The following ADGRL3 variants were observed in gnomAD, a reference collection of about 807,000 sequenced individuals.
ADGRL3 encodes the protein adhesion G protein-coupled receptor L3, also known as calcium-independent alpha-latrotoxin receptor 3.
Under a neutral mutation model 153.5 loss-of-function variants are expected in ADGRL3, and 62 were observed. The ratio of observed to expected loss-of-function variants is 0.40; its 90% confidence interval spans 0.33 to 0.50. The LOEUF is 0.50. Among genes scored for constraint, ADGRL3 ranks in the 20% least tolerant of loss-of-function variants. The pLI is 0.47. For missense variants in ADGRL3, 1,641 were observed against 1,859.4 expected, an observed-to-expected ratio of 0.88 and a Z score of 2.16; for synonymous variants, 710 against 672.5, an observed-to-expected ratio of 1.06 and a Z score of -0.86.
Position 62,028,818 on chromosome 4 carries a change from G to A in ADGRL3, c.3396-37G>A, listed in dbSNP as rs764874327. On this transcript the variant is annotated intron_variant, in intron 21 of 26. Transcript: ENST00000683033. Reference sequence around the variant, plus strand: ...AAATTCTTTGTCATAAAATGCTAATGTTGGTGTTCTTGTCTTTATGTCTAT... The same window carrying A: ...AAATTCTTTGTCATAAAATGCTAATATTGGTGTTCTTGTCTTTATGTCTAT... 9 of 1,571,950 alleles carry A rather than the reference G, an allele frequency of 5.7e-6. No homozygotes were observed. In the South Asian group the frequency reaches 6.9e-5, roughly 12 times the overall value.
intron 9 of ADGRL3, among the ~76,000 whole-genome samples, chr4:61,868,360 C>A (rs1289788612): frequency 6.6e-6 from 1 of 152,002 alleles, no homozygotes; most frequent in Non-Finnish European, 1.5e-5. Flanking sequence ...TTTCTTCTCT[C>A]TTTCTCTCAT....
At chr4:61,468,731 C>A (rs983272712) in intron 2 of ADGRL3, among the ~76,000 whole-genome samples, 7 of 152,146 alleles carry the variant, frequency 4.6e-5, no homozygotes, top group African/African-American at 9.6e-5. Context: ...AAAAAAGGCT[C>A]TGTTCCAGTG....
chr4:61,232,593 G>C (rs187579705), intron 1 of ADGRL3, among the ~76,000 whole-genome samples: 3 of 152,208 alleles, frequency 2.0e-5, no homozygotes, highest in Admixed American at 2.0e-4. Context: ...ATAGGTGTGA[G>C]CCACCGTGCC....
chr4:61,367,385 C>A (rs897991526), intron 1 of ADGRL3, among the ~76,000 whole-genome samples: 2 of 151,802 alleles, frequency 1.3e-5, no homozygotes, highest in Non-Finnish European at 2.9e-5. Context: ...TATCCCTCCC[C>A]ACTCCCCCCA....
At chr4:61,511,842 T>C (rs920950926) in intron 3 of ADGRL3, among the ~76,000 whole-genome samples, 1 of 152,208 alleles carries the variant, frequency 6.6e-6, no homozygotes, top group Non-Finnish European at 1.5e-5. Flanking sequence ...TGCTGCAATT[T>C]CTACATGATG....
At chr4:61,501,380 T>A (rs1242775230) in intron 3 of ADGRL3, among the ~76,000 whole-genome samples, 1 of 152,172 alleles carries the variant, frequency 6.6e-6, no homozygotes, top group Non-Finnish European at 1.5e-5. Flanking sequence ...ACATGGTGCT[T>A]TGGCATTTGA....
At chr4:61,921,785 T>A (rs1308220569) in intron 13 of ADGRL3, among the ~76,000 whole-genome samples, 1 of 152,230 alleles carries the variant, frequency 6.6e-6, no homozygotes, top group African/African-American at 2.4e-5. Flanking sequence ...TTATAAATCT[T>A]GTCATACAAT....
rs115365161 is a variant in ADGRL3, at chr4:61,723,200, C to T, written c.584-7422C>T. Among the ~76,000 whole-genome samples the T allele has an allele frequency of 3.8e-3, 576 of 152,242 alleles. 6 individuals are homozygous for T. Among genetic ancestry groups the T allele is most frequent in the African/African-American group, 0.013 (551 of 41,564 alleles). On this transcript the variant is annotated intron_variant, in intron 6 of 26. Transcript: ENST00000683033. ...TTGACAGCATTTAAGAACAGCTTAT[C>T]TTTAGTAAATAAGTATACTGAAAAT...
intron 13 of ADGRL3, among the ~76,000 whole-genome samples, chr4:61,918,132 C>T (rs187233705): frequency 5.3e-5 from 8 of 152,090 alleles, no homozygotes; most frequent in East Asian, 3.9e-4. Flanking sequence ...GGTAATTATT[C>T]GGATTCAGAG....
At chr4:61,521,258 A>G (rs1435357373) in intron 4 of ADGRL3, among the ~76,000 whole-genome samples, 3 of 152,118 alleles carry the variant, frequency 2.0e-5, no homozygotes, top group African/African-American at 7.2e-5. Flanking sequence ...ACAGAAATGG[A>G]AGAAGAAAGA....
intron 17 of ADGRL3, among the ~76,000 whole-genome samples, chr4:61,972,969 T>C (rs1054921500): frequency 2.6e-5 from 4 of 152,000 alleles, no homozygotes; most frequent in Admixed American, 6.6e-5. Flanking sequence ...TCAAGCAGTC[T>C]GAAAAATACA....
At chr4:61,676,036 C>T (rs995066556) in intron 5 of ADGRL3, among the ~76,000 whole-genome samples, 13 of 151,882 alleles carry the variant, frequency 8.6e-5, no homozygotes, top group African/African-American at 3.1e-4. Flanking sequence ...TAAATAAGAA[C>T]ATGCAAAGTT....
At chr4:61,971,148 T>A (rs1560448348) in intron 17 of ADGRL3, among the ~76,000 whole-genome samples, 4 of 151,618 alleles carry the variant, frequency 2.6e-5, no homozygotes, top group Admixed American at 6.6e-5. Context: ...TTTTATTTAT[T>A]TTTATTTATT....
chr4:61,322,277 A>G (rs1431552712), intron 1 of ADGRL3, among the ~76,000 whole-genome samples: 1 of 152,210 alleles, frequency 6.6e-6, no homozygotes, highest in Non-Finnish European at 1.5e-5. Context: ...ATATGTGGGA[A>G]TCATGGGAGA....
chr4:61,656,902 T>A (rs964269158), intron 5 of ADGRL3, among the ~76,000 whole-genome samples: 1 of 152,190 alleles, frequency 6.6e-6, no homozygotes, highest in African/African-American at 2.4e-5. Context: ...TCTCTCTCTG[T>A]TAAACTTCTG....
Position 62,070,559 on chromosome 4 carries a change from A to G in ADGRL3, c.4283A>G (p.His1428Arg). 6.4e-7 allele frequency: 1 copy of G among 1,551,140 alleles called. No individual in the cohort carries two copies. The highest frequency in any genetic ancestry group is 8.7e-7 in the Non-Finnish European group (1 of 1,146,942). Residue 1428 changes from histidine to arginine, a missense_variant, in exon 27 of 27, where the codon CAC becomes CGC. Physicochemically the swap from His to Arg is conservative, Grantham distance 29 (BLOSUM62 0). Transcript: ENST00000683033. ...HYTRRRIPQD[H>R]SESFFPLLTN... Reference sequence around the variant, plus strand: ...ACCAGAAGGCGGATCCCCCAAGACCACAGTGAGAGCTTTTTCCCTTTGCTA... The same window carrying G: ...ACCAGAAGGCGGATCCCCCAAGACCGCAGTGAGAGCTTTTTCCCTTTGCTA...
At chr4:61,999,418 G>A (rs986933704) in intron 21 of ADGRL3, among the ~76,000 whole-genome samples, 2 of 152,116 alleles carry the variant, frequency 1.3e-5, no homozygotes, top group African/African-American at 4.8e-5. Context: ...AAATTATCGT[G>A]TTTCTTTGGA....
At chr4:61,386,078 C>T (rs1297143012) in intron 2 of ADGRL3, among the ~76,000 whole-genome samples, 1 of 152,074 alleles carries the variant, frequency 6.6e-6, no homozygotes, top group Non-Finnish European at 1.5e-5. Flanking sequence ...ACTCGTGTTG[C>T]ATGTATTTGG....
intron 5 of ADGRL3, among the ~76,000 whole-genome samples, chr4:61,609,059 G>A (rs562241191): frequency 1.8e-3 from 274 of 152,176 alleles, no homozygotes; most frequent in African/African-American, 6.4e-3. Flanking sequence ...TTATTTGTTA[G>A]TGTTTATGTA....
Sources: allele counts gnomAD v4.1 joint callset (sites outside exome capture counted in the v4.1 genomes callset), GRCh38; gene constraint gnomAD v4.1.1; transcripts MANE v1.5; gene names NCBI Gene and HGNC (gene_info 2026-07-23, HGNC 2026-07-21).